Variants in UVSSA observed in about 807,000 individuals in gnomAD.
UVSSA encodes the protein UV stimulated scaffold protein A.
A neutral mutation model predicts 73.9 loss-of-function variants in UVSSA; 72 were observed. The ratio of observed to expected loss-of-function variants is 0.97; its 90% confidence interval spans 0.81 to 1.19. UVSSA has a LOEUF of 1.19. UVSSA is among the 50% of genes most tolerant of loss of function. UVSSA has a pLI of 0.00. For synonymous variants in UVSSA, 454 were observed against 391.3 expected, an observed-to-expected ratio of 1.16 and a Z score of -1.89; for missense variants, 1,150 against 965.0, an observed-to-expected ratio of 1.19 and a Z score of -2.54.
Position 1,348,165 on chromosome 4 carries a change from TGAAG to T in UVSSA, c.78_81del (p.Lys26AsnfsTer2). On this transcript the variant is annotated frameshift_variant, in exon 2 of 14. Coordinates refer to ENST00000389851, the MANE Select transcript of UVSSA (RefSeq NM_020894.4). LOFTEE classifies it high-confidence loss of function. ...GAACCCCGACTAAATCCTGAGAAAA[TGAAG>T]GAACTGAAGAAAATTTGCAAGTATG... The T allele has an allele frequency of 1.2e-6, 2 of 1,613,632 alleles. No homozygotes were observed. The highest frequency in any genetic ancestry group is 1.7e-6 in the Non-Finnish European group (2 of 1,179,928).
At chr4:1,388,796 G>T (rs1431940766), downstream of UVSSA, 1 of 152,152 alleles carries the variant, frequency 6.6e-6, no homozygotes, top group Non-Finnish European at 1.5e-5. Context: ...CATTCATGGG[G>T]CAAATTCTAC....
At chr4:1,371,333 C>T (rs913348178) in intron 8 of UVSSA, among the ~76,000 whole-genome samples, 11 of 151,606 alleles carry the variant, frequency 7.3e-5, no homozygotes, top group African/African-American at 2.7e-4. Context: ...TGTCTGAGCT[C>T]TCTGGTGGCC....
At chr4:1,381,686 CTTTTTTTTTT>C (rs1318393473) in intron 12 of UVSSA, among the ~76,000 whole-genome samples, 1 of 131,764 alleles carries the variant, frequency 7.6e-6, no homozygotes, top group African/African-American at 2.9e-5. Context: ...TTTGATTTGG[CTTTTTTTTTT>C]TTTTTTTTTG....
In UVSSA at chr4:1,385,911, CAGA is replaced by C. The variant is rs1560492910; in HGVS notation, c.2086_2088del (p.Lys696del). 3 of 1,614,074 alleles carry C rather than the reference CAGA, an allele frequency of 1.9e-6. No homozygotes were observed. Among genetic ancestry groups the C allele is most frequent in the Non-Finnish European group, 2.5e-6 (3 of 1,180,038 alleles). On this transcript the variant is annotated inframe_deletion, in exon 14 of 14. Transcript: ENST00000389851. ...AGTGGCAGCCATGAACCGGATGGACCAGAAGAAGCACGAGAAGTTTTCAAACCA... is the reference window on the plus strand; with the variant it reads ...AGTGGCAGCCATGAACCGGATGGACCAGAAGCACGAGAAGTTTTCAAACCA...
chr4:1,381,568 C>T (rs1017934414), intron 12 of UVSSA, among the ~76,000 whole-genome samples: 10 of 152,218 alleles, frequency 6.6e-5, no homozygotes, highest in African/African-American at 1.4e-4. Context: ...CCCATCTGCC[C>T]GCCCTGCCTC....
chr4:1,385,680 T>G, intron 13 of UVSSA, 188 bp from the exon 14 acceptor site: 1 of 619,346 alleles, frequency 1.6e-6, no homozygotes, highest in Non-Finnish European at 2.8e-6. Context: ...TAAGCCTGTC[T>G]GTCTCGGGCC....
intron 12 of UVSSA, among the ~76,000 whole-genome samples, chr4:1,381,199 A>AG (rs1262550426): frequency 6.6e-6 from 1 of 152,156 alleles, no homozygotes; most frequent in Non-Finnish European, 1.5e-5. Context: ...CTCCAGCTTT[A>AG]GGGGGTCACG....
At chr4:1,348,603 C>T (rs4974602) in intron 2 of UVSSA, among the ~76,000 whole-genome samples, 43,917 of 152,132 alleles carry the variant, frequency 0.29, 7,542 homozygotes, top group Non-Finnish European at 0.39. Context: ...CCAAGGAAAA[C>T]GCCGGAGGGG....
rs560163531 is a variant in UVSSA at position 1,356,226 on chromosome 4, C to G, written c.1176+981C>G. ...TTTGGGGTGGAAGTGACACTGTGCT[C>G]CTTGCTGAGGAAGAGGTTGGGTTCC... On this transcript the variant is annotated intron_variant, in intron 7 of 13. Coordinates refer to ENST00000389851, the MANE Select transcript of UVSSA (RefSeq NM_020894.4). Among the ~76,000 whole-genome samples the G allele has an allele frequency of 8.6e-5, 13 of 152,044 alleles. No individual in the cohort carries two copies. The South Asian group carries it at 2.5e-3, about 29-fold the overall frequency.
rs755024311 is a variant in UVSSA at position 1,355,188 on chromosome 4, C to T, written c.1119C>T (p.Leu373=). The part of the protein sequence containing the change: ...RAIDLKAELE[L]VLRKYKELDI... The stretch of plus-strand genomic sequence containing the variant: ...TTGACCTGAAGGCTGAATTGGAGCT[C>T]GTACTGAGAAAATACAAGGAGCTGG... The change falls in exon 7 of 14, where the codon CTC becomes CTT. Residue 373 remains leucine (L), a synonymous_variant. Coordinates refer to ENST00000389851, the MANE Select transcript of UVSSA (RefSeq NM_020894.4). 8.7e-6 allele frequency: 14 copies of T among 1,613,546 alleles called. No individual in the cohort carries two copies. The highest frequency in any genetic ancestry group is 5.5e-5 in the South Asian group (5 of 91,034).
rs890932916 is a variant in UVSSA at position 1,387,056 on chromosome 4, T to C, written c.*1095T>C. On this transcript the variant is annotated 3_prime_UTR_variant, in exon 14 of 14. Transcript: ENST00000389851. ...GTATACTGTGGATACTAGATCCTCATGTGATTTGCAAAAACTTTATTTATT... is the reference window on the plus strand; with the variant it reads ...GTATACTGTGGATACTAGATCCTCACGTGATTTGCAAAAACTTTATTTATT... 1.3e-5 allele frequency: 2 copies of C among 151,206 alleles called. No homozygotes were observed. Among genetic ancestry groups the C allele is most frequent in the Non-Finnish European group, 2.9e-5 (2 of 67,904 alleles). The allele number at this position is 151,206 out of a possible 1,614,324, so 9.4% of individuals were successfully genotyped here.
At chr4:1,374,771 C>G (rs1718544580) in intron 8 of UVSSA, 2 of 148,388 alleles carry the variant, frequency 1.3e-5, no homozygotes, top group African/African-American at 5.2e-5. Flanking sequence ...TGGTGCAGCC[C>G]CGGGCGTTTC....
intron 3 of UVSSA, among the ~76,000 whole-genome samples, chr4:1,350,108 G>A (rs1055756152): frequency 1.3e-5 from 2 of 149,234 alleles, no homozygotes; most frequent in Non-Finnish European, 3.0e-5. Context: ...TGGAGCTGAG[G>A]CTGCATGTGT....
At position 1,348,077 on chromosome 4, in the gene UVSSA, TA is replaced by T. The variant is rs778321304; in HGVS notation, c.-2-12del. On this transcript the variant is annotated splice_polypyrimidine_tract_variant and intron_variant, in intron 1 of 13. Transcript: ENST00000389851. ...AGATGGTGATATAGCATCTCTGCCT[TA>T]CTTATTTCTAGATATGGATCAGAAA... The T allele has an allele frequency of 1.4e-5, 23 of 1,597,114 alleles. No homozygotes were observed. The highest frequency in any genetic ancestry group is 2.0e-5 in the Non-Finnish European group (23 of 1,165,084).
chr4:1,381,094 T>G, intron 12 of UVSSA, 106 bp downstream of exon 12: 1 of 1,062,960 alleles, frequency 9.4e-7, no homozygotes. Context: ...CTCTGCCAGC[T>G]TCGTCCATGG....
chr4:1,345,420 G>GGAT (rs1713589423), upstream of UVSSA, among the ~76,000 whole-genome samples: 1 of 152,030 alleles, frequency 6.6e-6, no homozygotes, highest in Non-Finnish European at 1.5e-5. Context: ...CGAGGCGGGC[G>GGAT]GATCACCTGA....
chr4:1,393,630 T>TA (rs1720457564), exon 14 of UVSSA: 19 of 150,204 alleles, frequency 1.3e-4, no homozygotes, highest in Middle Eastern at 3.2e-3. Flanking sequence ...TAAGATAAGA[T>TA]AGATAGGTGA....
At chr4:1,354,625 GGCAGGTTCCCCTCAGGCTAGA>G in intron 5 of UVSSA, 89 bp from the exon 6 acceptor site, 1 of 895,598 alleles carries the variant, frequency 1.1e-6, no homozygotes. Flanking sequence ...ATGGGCGTCT[GGCAGGTTCCCCTCAGGCTAGA>G]GCAGCCTTCC....
Position 1,355,137 on chromosome 4 carries a change from C to T in UVSSA, c.1068C>T (p.Thr356=). Residue 356 remains threonine, a synonymous_variant, in exon 7 of 14, where the codon ACC becomes ACT. Transcript: ENST00000389851. Reference sequence around the variant, plus strand: ...CGCAGCGCTTCACCCGCGTCGGGACCCACGGTGGATGTTTAAAGCGTGCCA... The same window carrying T: ...CGCAGCGCTTCACCCGCGTCGGGACTCACGGTGGATGTTTAAAGCGTGCCA... ...SWIQRFTRVG[T]HGGCLKRAID... 1 of 1,613,782 alleles carries T rather than the reference C, an allele frequency of 6.2e-7. No individual in the cohort carries two copies. The highest frequency in any genetic ancestry group is 8.5e-7 in the Non-Finnish European group (1 of 1,179,912).
Sources: allele counts gnomAD v4.1 joint callset (sites outside exome capture counted in the v4.1 genomes callset), GRCh38; gene constraint gnomAD v4.1.1; transcripts MANE v1.5; gene names NCBI Gene and HGNC (gene_info 2026-07-23, HGNC 2026-07-21).